CHST9: variants seen among roughly 807,000 people sequenced by gnomAD.
CHST9 encodes carbohydrate sulfotransferase 9.
Under a neutral mutation model 44.4 loss-of-function variants are expected in CHST9, and 41 were observed. The ratio of observed to expected loss-of-function variants is 0.92; its 90% CI spans 0.72 to 1.20. The LOEUF is 1.20. Ranked by LOEUF, CHST9 falls within the 50% of genes most tolerant of loss-of-function variation. The pLI is 0.00. For missense variants in CHST9, 504 were observed against 516.5 expected (o/e 0.98, Z 0.23); for synonymous variants, 171 against 178.4 (o/e 0.96, Z 0.33).
At chr18:27,169,945 C>G (rs1190572885) in intron 1 of CHST9, among the ~76,000 whole-genome samples, 1 of 152,026 alleles carries the variant, frequency 6.6e-6, no homozygotes. Context: ...GAAGCAAAAC[C>G]AAGCCAAGCA....
chr18:27,171,122 T>C (rs1333325882), intron 1 of CHST9, among the ~76,000 whole-genome samples: 1 of 152,118 alleles, frequency 6.6e-6, no homozygotes, highest in Non-Finnish European at 1.5e-5. Context: ...TGAGGGTAAG[T>C]GAAATAAACT....
At chr18:27,171,640 C>A (rs1465665022) in intron 1 of CHST9, among the ~76,000 whole-genome samples, 1 of 152,142 alleles carries the variant, frequency 6.6e-6, no homozygotes, top group Admixed American at 6.5e-5. Context: ...GGTTGTTTTA[C>A]ATTTTATTTT....
intron 2 of CHST9, among the ~76,000 whole-genome samples, chr18:27,097,892 T>G (rs2058133118): frequency 6.6e-6 from 1 of 152,140 alleles, no homozygotes; most frequent in South Asian, 2.1e-4. Context: ...CAGATGACTG[T>G]AGATGTGTGG....
At chr18:26,926,883 G>A (rs1171589008) in intron 5 of CHST9, among the ~76,000 whole-genome samples, 1 of 152,214 alleles carries the variant, frequency 6.6e-6, no homozygotes, top group Admixed American at 6.5e-5. Flanking sequence ...GAAAGAAGTA[G>A]AATAAGTTGG....
chr18:26,920,822 C>A (rs905747082), intron 5 of CHST9, among the ~76,000 whole-genome samples: 1 of 152,190 alleles, frequency 6.6e-6, no homozygotes, highest in African/African-American at 2.4e-5. Context: ...ACATGGGAAT[C>A]TGCTTGCAGT....
intron 5 of CHST9, among the ~76,000 whole-genome samples, chr18:26,927,100 A>G (rs1369826554): frequency 2.0e-5 from 3 of 151,888 alleles, no homozygotes; most frequent in Admixed American, 1.3e-4. Context: ...GTGCACCCTG[A>G]CTCTGACACC....
chr18:26,975,711 G>C (rs1683468), intron 4 of CHST9, among the ~76,000 whole-genome samples: 1 of 105,798 alleles, frequency 9.5e-6, no homozygotes, highest in African/African-American at 3.2e-5. Context: ...GTGTATATAT[G>C]TGTGTGTGTG....
intron 4 of CHST9, among the ~76,000 whole-genome samples, chr18:26,949,353 C>G (rs1406111472): frequency 6.6e-5 from 10 of 151,690 alleles, no homozygotes; most frequent in Admixed American, 1.3e-4. Flanking sequence ...ATTAAAGATA[C>G]AATGAGAATA....
chr18:27,032,725 G>A (rs767387867), intron 3 of CHST9, among the ~76,000 whole-genome samples: 21 of 152,250 alleles, frequency 1.4e-4, no homozygotes, highest in Non-Finnish European at 2.9e-4. Flanking sequence ...ATTAGGCAAG[G>A]GCTTGGCAGA....
chr18:27,101,419 C>A (rs992398397), intron 2 of CHST9, among the ~76,000 whole-genome samples: 10 of 150,898 alleles, frequency 6.6e-5, no homozygotes, highest in Admixed American at 4.0e-4. Flanking sequence ...GTGAAACCCC[C>A]TCTCTACTAA....
At chr18:27,165,596 C>T (rs1041189629) in intron 1 of CHST9, among the ~76,000 whole-genome samples, 3 of 152,154 alleles carry the variant, frequency 2.0e-5, no homozygotes, top group African/African-American at 7.2e-5. Context: ...TCACATGACT[C>T]ATAACCAGCA....
chr18:27,003,031 C>T (rs1246636219), intron 4 of CHST9, among the ~76,000 whole-genome samples: 4 of 151,938 alleles, frequency 2.6e-5, no homozygotes, highest in African/African-American at 4.8e-5. Context: ...TGACCTAGCG[C>T]TACATAAATT....
intron 5 of CHST9, chr18:26,936,122 A>C: frequency 6.6e-6 from 1 of 152,180 alleles, no homozygotes; most frequent in East Asian, 1.9e-4. Context: ...TATCTGAGGG[A>C]TCTGCCTTAG....
rs375089313 is a variant in CHST9, at chr18:27,176,541, G to A, written c.-97+8595C>T. ...GAACCCTGCACCCTTGAGGTGAGAT[G>A]AGCAGAGATCAGGAGTTTGATTTTG... On this transcript the variant is annotated intron_variant, in intron 1 of 5. Transcript: ENST00000618847. Among the ~76,000 whole-genome samples the A allele has an allele frequency of 7.2e-5, 11 of 152,150 alleles. No homozygotes were observed. In the East Asian group the frequency reaches 1.9e-3, roughly 27 times the overall value.
At chr18:27,043,103 C>T (rs990228944) in intron 3 of CHST9, among the ~76,000 whole-genome samples, 1 of 152,070 alleles carries the variant, frequency 6.6e-6, no homozygotes, top group Non-Finnish European at 1.5e-5. Context: ...TTGATTCTCA[C>T]AGGACAGCTT....
intron 4 of CHST9, among the ~76,000 whole-genome samples, chr18:26,969,344 A>G (rs2056508425): frequency 2.0e-5 from 3 of 149,448 alleles, no homozygotes; most frequent in South Asian, 2.1e-4. Flanking sequence ...TTTACTAGCT[A>G]GTCTTCCTTT....
intron 2 of CHST9, among the ~76,000 whole-genome samples, chr18:27,108,039 C>A (rs2058237270): frequency 6.6e-6 from 1 of 152,168 alleles, no homozygotes; most frequent in Non-Finnish European, 1.5e-5. Context: ...CTAAGCAGTT[C>A]TCTTTGAAAC....
rs551692970 is a variant in CHST9 at position 26,906,783 on chromosome 18, G to A, written c.*9476C>T. The A allele has an allele frequency of 8.5e-5, 13 of 152,308 alleles. No homozygotes were observed. Among genetic ancestry groups the A allele is most frequent in the African/African-American group, 3.1e-4 (13 of 41,542 alleles). 9.4% of individuals were successfully genotyped at this position (152,308 alleles called of 1,614,324 possible). ...TCTGAGCCAGGCAGAGATGACAAAT[G>A]CCTCCCTGAGCTTAGTTTAGGGATT... On this transcript the variant is annotated 3_prime_UTR_variant, in exon 6 of 6. Transcript: ENST00000618847.
At chr18:26,961,254 AG>A (rs1598596890) in intron 4 of CHST9, among the ~76,000 whole-genome samples, 1 of 152,252 alleles carries the variant, frequency 6.6e-6, no homozygotes, top group East Asian at 1.9e-4. Flanking sequence ...ATGTAAGGCT[AG>A]AGAACAATAC....
Sources: gnomAD v4.1 joint callset for allele counts (sites outside exome capture counted in the v4.1 genomes callset) on GRCh38, gnomAD v4.1.1 for gene constraint, MANE v1.5 for transcripts, NCBI Gene and HGNC (gene_info 2026-07-23, HGNC 2026-07-21) for gene names.